TNRC6B: variants seen among roughly 807,000 people sequenced by gnomAD.
The protein encoded by TNRC6B is trinucleotide repeat-containing gene 6B protein.
A neutral mutation model predicts 203.6 loss-of-function variants in TNRC6B; 52 were observed. That is an observed-to-expected ratio of 0.26 (90% CI 0.20 to 0.32). TNRC6B has a LOEUF of 0.32. Ranked by LOEUF, TNRC6B falls within the 10% of genes least tolerant of loss-of-function variation. The pLI is 1.00. For missense variants in TNRC6B, 1,923 were observed against 2,286.2 expected (o/e 0.84, Z 3.24); for synonymous variants, 838 against 845.7 (o/e 0.99, Z 0.16).
intron 1 of TNRC6B, among the ~76,000 whole-genome samples, chr22:40,200,814 G>T (rs1377815606): frequency 6.6e-6 from 1 of 152,120 alleles, no homozygotes. Flanking sequence ...TGCCACTAGA[G>T]CTGCATGGCC....
intron 2 of TNRC6B, among the ~76,000 whole-genome samples, chr22:40,118,470 T>C (rs2068411710): frequency 2.0e-5 from 3 of 152,224 alleles, no homozygotes; most frequent in Admixed American, 6.5e-5. Context: ...AGAACGGTTC[T>C]ACATTTTCAA....
intron 2 of TNRC6B, among the ~76,000 whole-genome samples, chr22:40,121,126 C>G (rs1435763593): frequency 3.9e-5 from 6 of 152,078 alleles, no homozygotes; most frequent in African/African-American, 7.2e-5. Flanking sequence ...GTTTTCCTCC[C>G]CTAGCATTCC....
chr22:40,147,775 C>T (rs76980651), intron 3 of TNRC6B, among the ~76,000 whole-genome samples: 3 of 152,120 alleles, frequency 2.0e-5, no homozygotes, highest in Admixed American at 1.3e-4. Context: ...CACAAAACAC[C>T]ACATATTATG....
At chr22:40,303,504 A>G (rs1346665174) in intron 15 of TNRC6B, among the ~76,000 whole-genome samples, 12 of 152,206 alleles carry the variant, frequency 7.9e-5, no homozygotes, top group Non-Finnish European at 1.3e-4. Context: ...GCTTGTTTCT[A>G]TATTTGTTAA....
At chr22:40,220,544 G>T (rs2069694082) in intron 1 of TNRC6B, among the ~76,000 whole-genome samples, 1 of 152,096 alleles carries the variant, frequency 6.6e-6, no homozygotes, top group African/African-American at 2.4e-5. Context: ...ATAAGTATGT[G>T]TACACTCTAT....
chr22:40,279,851 A>G (rs1269038959), intron 9 of TNRC6B, 144 bp from the exon 10 acceptor site: 3 of 610,780 alleles, frequency 4.9e-6, no homozygotes, highest in Non-Finnish European at 8.4e-6. Context: ...GACCAATGAG[A>G]GTTTGTCTCG....
At chr22:40,229,818 C>G (rs1247842915) in intron 1 of TNRC6B, among the ~76,000 whole-genome samples, 2 of 152,190 alleles carry the variant, frequency 1.3e-5, no homozygotes, top group Non-Finnish European at 2.9e-5. Context: ...GAGTAAGTAG[C>G]ATTCTGTTGT....
intron 1 of TNRC6B, among the ~76,000 whole-genome samples, chr22:40,057,293 T>TTG (rs1491205635): frequency 7.9e-5 from 3 of 38,000 alleles, no homozygotes; most frequent in Non-Finnish European, 1.4e-4. Context: ...ATATGCCAGG[T>TTG]TTTTTTTTTT....
At chr22:40,177,072 C>T (rs2069069843), upstream of TNRC6B, among the ~76,000 whole-genome samples, 1 of 152,200 alleles carries the variant, frequency 6.6e-6, no homozygotes, top group Non-Finnish European at 1.5e-5. Flanking sequence ...AGATGCAAAC[C>T]GAGCTTGGGT....
intron 20 of TNRC6B, among the ~76,000 whole-genome samples, 169 bp downstream of exon 20, chr22:40,315,676 G>A (rs2098983400): frequency 2.1e-4 from 2 of 9,592 alleles, no homozygotes. Flanking sequence ...GTCGCAGTCA[G>A]TATAAGGCAA....
chr22:40,325,985 G>A lies in TNRC6B; in HGVS notation c.*2744G>A, dbSNP rs994351078. 3 of 151,420 alleles carry A rather than the reference G, an allele frequency of 2.0e-5. No individual in the cohort carries two copies. The highest frequency in any genetic ancestry group is 2.1e-4 in the South Asian group (1 of 4,812). The allele number at this position is 151,420 out of a possible 1,614,324, so 9.4% of individuals were successfully genotyped here. On this transcript the variant is annotated 3_prime_UTR_variant, in exon 23 of 23. Transcript: ENST00000454349. The stretch of plus-strand genomic sequence containing the variant: ...AAAAATAAACATGAGAAGCTAAAAT[G>A]TTCTTCCATCATAAGCTTAAAGGGA...
chr22:40,253,546 A>G (rs1195300243), intron 3 of TNRC6B: 1 of 455,146 alleles, frequency 2.2e-6, no homozygotes, highest in African/African-American at 2.0e-5. Flanking sequence ...TACCTACTAT[A>G]TAATGAAATA....
intron 15 of TNRC6B, among the ~76,000 whole-genome samples, chr22:40,307,001 C>A (rs950964846): frequency 6.6e-6 from 1 of 152,040 alleles, no homozygotes; most frequent in Non-Finnish European, 1.5e-5. Context: ...ATAATAATTT[C>A]ATTTGAAATA....
At chr22:40,131,337 G>C (rs1387384759) in intron 3 of TNRC6B, among the ~76,000 whole-genome samples, 2 of 151,950 alleles carry the variant, frequency 1.3e-5, no homozygotes, top group Non-Finnish European at 2.9e-5. Context: ...TTGAAGTTCA[G>C]AGATGGATTA....
At chr22:40,109,412 C>T (rs1157248380) in intron 1 of TNRC6B, among the ~76,000 whole-genome samples, 1 of 152,162 alleles carries the variant, frequency 6.6e-6, no homozygotes, top group Non-Finnish European at 1.5e-5. Flanking sequence ...AGCGTAAAAG[C>T]GTTCTTATCT....
At chr22:40,155,850 CTT>C (rs1278659864) in intron 3 of TNRC6B, among the ~76,000 whole-genome samples, 1 of 152,170 alleles carries the variant, frequency 6.6e-6, no homozygotes, top group East Asian at 1.9e-4. Context: ...AGTAGGTTGT[CTT>C]TGTCTCATTG....
At chr22:40,311,052 G>A (rs1330409814) in intron 17 of TNRC6B, 59 bp downstream of exon 17, 1 of 1,514,268 alleles carries the variant, frequency 6.6e-7, no homozygotes, top group Non-Finnish European at 9.0e-7. Context: ...GTCAGTTTCA[G>A]GTTCAGAATA....
chr22:40,132,947 A>AATAAAAAATT (rs1382639444), intron 3 of TNRC6B, among the ~76,000 whole-genome samples: 1 of 69,990 alleles, frequency 1.4e-5, no homozygotes, highest in African/African-American at 8.8e-5. Flanking sequence ...CTGTCTCAAA[A>AATAAAAAATT]AAAAAAAAAA....
At chr22:40,315,826 A>C in intron 20 of TNRC6B, 116 bp from the exon 21 acceptor site, 2 of 839,570 alleles carry the variant, frequency 2.4e-6, no homozygotes, top group Non-Finnish European at 3.8e-6. Flanking sequence ...TCCAGTGGAA[A>C]AGAGAATTTA....
Sources: gnomAD v4.1 joint callset for allele counts (sites outside exome capture counted in the v4.1 genomes callset) on GRCh38, gnomAD v4.1.1 for gene constraint, MANE v1.5 for transcripts, NCBI Gene and HGNC (gene_info 2026-07-23, HGNC 2026-07-21) for gene names.